Variants in CRISPLD2 observed in about 807,000 individuals in gnomAD.
The protein encoded by CRISPLD2 is cysteine rich secretory protein LCCL domain containing 2.
Under a neutral mutation model 71.1 loss-of-function variants are expected in CRISPLD2, and 47 were observed. The ratio of observed to expected loss-of-function variants is 0.66; its 90% confidence interval spans 0.52 to 0.84. CRISPLD2 has a LOEUF of 0.84. CRISPLD2 is among the 40% of genes least tolerant of loss of function. CRISPLD2 has a pLI of 0.00. For synonymous variants in CRISPLD2, 317 were observed against 250.1 expected, an observed-to-expected ratio of 1.27 and a Z score of -2.52; for missense variants, 830 against 651.1, an observed-to-expected ratio of 1.27 and a Z score of -2.99.
At chr16:84,868,581 T>G (rs1233216401) in intron 7 of CRISPLD2, among the ~76,000 whole-genome samples, 1 of 152,066 alleles carries the variant, frequency 6.6e-6, no homozygotes, top group Non-Finnish European at 1.5e-5. Context: ...CCCTTGGAGG[T>G]GGGTACTGTC....
At chr16:84,847,665 A>G (rs79919487) in intron 3 of CRISPLD2, among the ~76,000 whole-genome samples, 1 of 151,706 alleles carries the variant, frequency 6.6e-6, no homozygotes, top group Non-Finnish European at 1.5e-5. Flanking sequence ...AAAAAAAAAA[A>G]TCTTACAATA....
chr16:84,854,884 T>G (rs1917193813), intron 6 of CRISPLD2, 55 bp downstream of exon 6: 2 of 1,328,934 alleles, frequency 1.5e-6, no homozygotes, highest in Non-Finnish European at 2.2e-6. Context: ...GTCTGAGTCA[T>G]GCGACAGCGT....
intron 13 of CRISPLD2, among the ~76,000 whole-genome samples, chr16:84,887,863 C>T (rs903998333): frequency 6.6e-6 from 1 of 151,896 alleles, no homozygotes; most frequent in African/African-American, 2.4e-5. Flanking sequence ...GCAATAAGAG[C>T]GAAACTCCGT....
intron 2 of CRISPLD2, among the ~76,000 whole-genome samples, chr16:84,845,259 A>G (rs1359289292): frequency 5.3e-5 from 8 of 152,166 alleles, no homozygotes; most frequent in Non-Finnish European, 1.0e-4. Context: ...GTTAGAATGC[A>G]ATGAAAAGGT....
chr16:84,822,760 G>A (rs1285811329), intron 1 of CRISPLD2, among the ~76,000 whole-genome samples: 1 of 152,172 alleles, frequency 6.6e-6, no homozygotes, highest in Admixed American at 6.5e-5. Context: ...CTTAAATAGA[G>A]CACGCTGAGT....
At chr16:84,867,100 G>A in intron 7 of CRISPLD2, 60 bp downstream of exon 7, 2 of 1,562,784 alleles carry the variant, frequency 1.3e-6, no homozygotes, top group Non-Finnish European at 1.8e-6. Flanking sequence ...AGGGGACGGG[G>A]TGGGTGGAGG....
At chr16:84,884,045 A>G (rs2071590864) in intron 13 of CRISPLD2, among the ~76,000 whole-genome samples, 1 of 152,002 alleles carries the variant, frequency 6.6e-6, no homozygotes, top group Non-Finnish European at 1.5e-5. Context: ...GGGTTTCTCC[A>G]TGTTGGCCAG....
intron 1 of CRISPLD2, among the ~76,000 whole-genome samples, chr16:84,837,068 G>A (rs562686939): frequency 8.5e-5 from 13 of 152,298 alleles, no homozygotes; most frequent in East Asian, 7.7e-4. Context: ...TCTCCATCTC[G>A]GAGTCCAGCA....
At chr16:84,834,412 G>C (rs759234538) in intron 1 of CRISPLD2, among the ~76,000 whole-genome samples, 12 of 152,258 alleles carry the variant, frequency 7.9e-5, no homozygotes, top group Non-Finnish European at 1.8e-4. Context: ...TGTCTCAGAA[G>C]TGAGGGTAGA....
intron 6 of CRISPLD2, among the ~76,000 whole-genome samples, chr16:84,856,312 G>T (rs146036903): frequency 2.9e-4 from 44 of 152,330 alleles, no homozygotes; most frequent in African/African-American, 1.0e-3. Context: ...TGGAGCGGTA[G>T]ACTGATTTCA....
At chr16:84,857,094 C>T (rs1480751127) in intron 6 of CRISPLD2, among the ~76,000 whole-genome samples, 1 of 152,196 alleles carries the variant, frequency 6.6e-6, no homozygotes, top group East Asian at 1.9e-4. Context: ...GGTGCCATAT[C>T]GAGGGCTCAG....
At chr16:84,868,575 T>G (rs971898720) in intron 7 of CRISPLD2, among the ~76,000 whole-genome samples, 1 of 152,194 alleles carries the variant, frequency 6.6e-6, no homozygotes, top group African/African-American at 2.4e-5. Flanking sequence ...CAAAAGCCCT[T>G]GGAGGTGGGT....
intron 1 of CRISPLD2, 75 bp from the exon 2 acceptor site, chr16:84,838,347 G>T: frequency 1.1e-6 from 1 of 915,112 alleles, no homozygotes; most frequent in South Asian, 1.6e-5. Flanking sequence ...TGTGTGCTGC[G>T]TTCGCTGCTC....
intron 1 of CRISPLD2, among the ~76,000 whole-genome samples, chr16:84,837,541 C>T (rs960903181): frequency 6.6e-6 from 1 of 152,034 alleles, no homozygotes; most frequent in Admixed American, 6.6e-5. Context: ...CTCAGCCTCC[C>T]AAGTAGCTGG....
rs892840753 is a variant in CRISPLD2 at position 84,826,976 on chromosome 16, A to AT, written c.-75+6855dup. ...CAAACAGAGGTCAGAGCAACATCAA[A>AT]TTTTTTTTTTTTATAATTTCTTGTT... On this transcript the variant is annotated intron_variant, in intron 1 of 14. Coordinates refer to ENST00000262424, the MANE Select transcript of CRISPLD2 (RefSeq NM_031476.4). Among the ~76,000 whole-genome samples the AT allele has an allele frequency of 1.1e-3, 169 of 148,050 alleles. 1 individual carries two copies. The highest frequency in any genetic ancestry group is 3.2e-3 in the African/African-American group (129 of 40,644).
At chr16:84,842,852 G>A (rs1396895369) in intron 2 of CRISPLD2, among the ~76,000 whole-genome samples, 2 of 152,248 alleles carry the variant, frequency 1.3e-5, no homozygotes, top group South Asian at 4.1e-4. Context: ...GAGGCCCCAC[G>A]TCTCTCTGGA....
intron 1 of CRISPLD2, among the ~76,000 whole-genome samples, chr16:84,821,285 C>A (rs941764898): frequency 1.3e-5 from 2 of 152,188 alleles, no homozygotes; most frequent in Non-Finnish European, 2.9e-5. Context: ...TGTCGGCTGT[C>A]CCAGGGCTCC....
chr16:84,877,942 G>C (rs2326399), intron 12 of CRISPLD2, among the ~76,000 whole-genome samples: 62,314 of 151,454 alleles, frequency 0.41, 13,644 homozygotes, highest in East Asian at 0.66. Context: ...CGGGCACGGT[G>C]GCTCACGCCT....
At chr16:84,840,430 G>A (rs1916739058) in intron 2 of CRISPLD2, among the ~76,000 whole-genome samples, 1 of 152,338 alleles carries the variant, frequency 6.6e-6, no homozygotes, top group Middle Eastern at 3.4e-3. Context: ...TACAAATGGT[G>A]AAGCTGGGAT....
Sources: gnomAD v4.1 joint callset for allele counts (sites outside exome capture counted in the v4.1 genomes callset) on GRCh38, gnomAD v4.1.1 for gene constraint, MANE v1.5 for transcripts, NCBI Gene and HGNC (gene_info 2026-07-23, HGNC 2026-07-21) for gene names.